RNF17: variants seen among roughly 807,000 people sequenced by gnomAD.
The protein encoded by RNF17 is ring finger protein 17.
A neutral mutation model predicts 200.5 loss-of-function variants in RNF17; 31 were observed. That is an observed-to-expected ratio of 0.15 (90% CI 0.12 to 0.21). RNF17 has a LOEUF of 0.21. Ranked by LOEUF, RNF17 falls within the 10% of genes least tolerant of loss-of-function variation. The pLI, the probability that RNF17 is intolerant of heterozygous loss-of-function variation, is 1.00. For missense variants in RNF17, 1,628 were observed against 1,905.1 expected, an observed-to-expected ratio of 0.85 and a Z score of 2.71; for synonymous variants, 606 against 637.8, an observed-to-expected ratio of 0.95 and a Z score of 0.75.
intron 15 of RNF17, among the ~76,000 whole-genome samples, chr13:24,822,678 C>T (rs1021869178): frequency 4.6e-5 from 7 of 152,164 alleles, no homozygotes; most frequent in Admixed American, 1.3e-4. Flanking sequence ...GCTTGGCCTC[C>T]CAAAGTGCTG....
intron 15 of RNF17, among the ~76,000 whole-genome samples, chr13:24,808,021 C>G (rs1458394251): frequency 6.7e-6 from 1 of 149,032 alleles, no homozygotes; most frequent in Non-Finnish European, 1.5e-5. Context: ...GTTTTGGTAC[C>G]AGTACCATGC....
intron 22 of RNF17, among the ~76,000 whole-genome samples, chr13:24,846,821 A>AT (rs1289023349): frequency 1.3e-5 from 2 of 152,216 alleles, no homozygotes; most frequent in Non-Finnish European, 2.9e-5. Flanking sequence ...ATTGTCTCAA[A>AT]TTTGATCACT....
chr13:24,878,730 C>A (rs1172906202), intron 34 of RNF17, among the ~76,000 whole-genome samples: 2 of 152,156 alleles, frequency 1.3e-5, no homozygotes, highest in Non-Finnish European at 2.9e-5. Context: ...GTCCCCTGCC[C>A]ACATAGAGAG....
At chr13:24,863,603 G>A (rs990678541) in intron 28 of RNF17, among the ~76,000 whole-genome samples, 1 of 152,144 alleles carries the variant, frequency 6.6e-6, no homozygotes, top group African/African-American at 2.4e-5. Flanking sequence ...TGATGATAGA[G>A]TGATAAAAAC....
intron 18 of RNF17, among the ~76,000 whole-genome samples, chr13:24,840,273 G>A (rs140473628): frequency 2.4e-4 from 36 of 152,284 alleles, no homozygotes; most frequent in Middle Eastern, 3.4e-3. Context: ...TACACTGCTG[G>A]CAGGATTGTA....
chr13:24,885,662 G>T, the RNF17 span: 10 of 1,611,606 alleles, frequency 6.2e-6, no homozygotes, highest in Non-Finnish European at 8.5e-6. Flanking sequence ...GATCTTCGAG[G>T]TGGATTGCCT....
At chr13:24,764,354 C>G in intron 1 of RNF17, 21 bp downstream of exon 1, 1 of 1,567,400 alleles carries the variant, frequency 6.4e-7, no homozygotes, top group African/African-American at 1.4e-5. Context: ...CAAGGGCCCA[C>G]CTAGCGGGGA....
intron 27 of RNF17, 47 bp from the exon 28 acceptor site, chr13:24,862,666 G>C: frequency 1.6e-6 from 2 of 1,228,018 alleles, no homozygotes; most frequent in Non-Finnish European, 2.4e-6. Context: ...TTCCTGCTCT[G>C]ATTTTATGAA....
chr13:24,798,626 A>G (rs946690927), intron 11 of RNF17, among the ~76,000 whole-genome samples: 1 of 152,148 alleles, frequency 6.6e-6, no homozygotes, highest in African/African-American at 2.4e-5. Flanking sequence ...GTTGGGCTAG[A>G]TTAGGTTTTC....
intron 15 of RNF17, among the ~76,000 whole-genome samples, chr13:24,808,980 T>C (rs1886245197): frequency 6.6e-6 from 1 of 151,786 alleles, no homozygotes; most frequent in South Asian, 2.1e-4. Flanking sequence ...CAGCCTTGCA[T>C]CCCAGGGATG....
intron 18 of RNF17, among the ~76,000 whole-genome samples, chr13:24,837,022 G>A (rs1170777907): frequency 6.7e-6 from 1 of 149,044 alleles, no homozygotes; most frequent in Non-Finnish European, 1.5e-5. Flanking sequence ...GAACTAAAGG[G>A]GTGGAAAAAG....
chr13:24,882,963 T>TTAGTC, downstream of RNF17: 1 of 565,396 alleles, frequency 1.8e-6, no homozygotes. Flanking sequence ...AATGCTTTCC[T>TTAGTC]TAGTCTATTG....
chr13:24,791,550 G>A (rs1300074000), intron 9 of RNF17, among the ~76,000 whole-genome samples: 2 of 152,108 alleles, frequency 1.3e-5, no homozygotes, highest in Non-Finnish European at 2.9e-5. Flanking sequence ...AGAGATCTTG[G>A]TCTTGATTCT....
chr13:24,841,056 A>T (rs1487524484), intron 18 of RNF17, among the ~76,000 whole-genome samples: 1 of 152,114 alleles, frequency 6.6e-6, no homozygotes, highest in South Asian at 2.1e-4. Flanking sequence ...TTTTTTAGAG[A>T]TGTTTTCTAA....
At chr13:24,861,557 C>A (rs553098973) in intron 27 of RNF17, among the ~76,000 whole-genome samples, 170 bp downstream of exon 27, 3 of 152,010 alleles carry the variant, frequency 2.0e-5, no homozygotes, top group Admixed American at 1.3e-4. Context: ...AAGACAGTTA[C>A]AAAATTATAC....
chr13:24,762,299 A>G (rs1427505421), upstream of RNF17, among the ~76,000 whole-genome samples: 1 of 150,210 alleles, frequency 6.7e-6, no homozygotes, highest in Non-Finnish European at 1.5e-5. Flanking sequence ...GAACCCGGAG[A>G]CCAAGGTTGC....
rs553915833 is a variant in RNF17 at position 24,825,484 on chromosome 13, G to A, written c.2092-135G>A. 5.6e-5 allele frequency: 36 copies of A among 647,960 alleles called. 1 individual carries two copies. The highest frequency in any genetic ancestry group is 2.2e-4 in the Admixed American group (8 of 36,082). The allele number at this position is 647,960 out of a possible 1,614,324, so 40.1% of individuals were successfully genotyped here. On this transcript the variant is annotated intron_variant, in intron 15 of 35. Coordinates refer to ENST00000255324, the MANE Select transcript of RNF17 (RefSeq NM_031277.3). ...AATAAAATTTTGTAAAATAAATTACGTAACACAATTGATAGATTTACATTC... is the reference window on the plus strand; with the variant it reads ...AATAAAATTTTGTAAAATAAATTACATAACACAATTGATAGATTTACATTC...
intron 1 of RNF17, among the ~76,000 whole-genome samples, chr13:24,766,105 C>T (rs1879647521): frequency 6.6e-6 from 1 of 152,170 alleles, no homozygotes; most frequent in South Asian, 2.1e-4. Context: ...TGACGCACAC[C>T]TGTAATCTCA....
the RNF17 span, among the ~76,000 whole-genome samples, chr13:24,747,998 G>A: frequency 1.3e-5 from 2 of 152,238 alleles, no homozygotes; most frequent in African/African-American, 4.8e-5. Context: ...TGGCCCTGCT[G>A]CCGGGGCGGG....
Sources: allele counts gnomAD v4.1 joint callset (sites outside exome capture counted in the v4.1 genomes callset), GRCh38; gene constraint gnomAD v4.1.1; transcripts MANE v1.5; gene names NCBI Gene and HGNC (gene_info 2026-07-23, HGNC 2026-07-21).